Variants in SCMH1 observed in about 807,000 individuals in gnomAD.
SCMH1 encodes the protein polycomb protein SCMH1.
A neutral mutation model predicts 70.8 loss-of-function variants in SCMH1; 37 were observed. That is an observed-to-expected ratio of 0.52 (90% CI 0.40 to 0.69). The LOEUF (loss-of-function observed/expected upper bound fraction) is 0.69. SCMH1 is among the 30% of genes least tolerant of loss of function. SCMH1 has a pLI of 0.00. For synonymous variants in SCMH1, 292 were observed against 307.4 expected (o/e 0.95, Z 0.52); for missense variants, 607 against 827.3 (o/e 0.73, Z 3.27).
At chr1:41,036,315 C>T (rs1021293430) in intron 13 of SCMH1, among the ~76,000 whole-genome samples, 1 of 152,220 alleles carries the variant, frequency 6.6e-6, no homozygotes, top group East Asian at 1.9e-4. Flanking sequence ...CCTTCCTTCT[C>T]TTCTATGGTG....
intron 12 of SCMH1, among the ~76,000 whole-genome samples, chr1:41,044,534 G>A (rs1327035288): frequency 1.3e-5 from 2 of 152,152 alleles, no homozygotes; most frequent in Non-Finnish European, 2.9e-5. Flanking sequence ...GCTTGTCTGG[G>A]CATAGTTAAA....
In SCMH1 at chr1:41,060,902, G is replaced by A. The variant is rs1234246470; in HGVS notation, c.1105+9693C>T. Among the ~76,000 whole-genome samples, 3 of 152,046 alleles carry A rather than the reference G, an allele frequency of 2.0e-5. No individual in the cohort carries two copies. In the East Asian group the frequency reaches 5.8e-4, roughly 29 times the overall value. ...TTGCCAAGGTCTTGCTATGTTGTTG[G>A]CGACTCCTAAGCTCAAGTGATCAAT... is the stretch of plus-strand genomic sequence containing the variant. On this transcript the variant is annotated intron_variant, in intron 10 of 14. Transcript: ENST00000337495.
intron 6 of SCMH1, among the ~76,000 whole-genome samples, chr1:41,127,852 T>C (rs1673617665): frequency 6.6e-6 from 1 of 152,106 alleles, no homozygotes; most frequent in Non-Finnish European, 1.5e-5. Flanking sequence ...ATAAGATGGC[T>C]GTCTGCAAGC....
chr1:41,041,192 G>C (rs1345562623), intron 12 of SCMH1: 1 of 151,882 alleles, frequency 6.6e-6, no homozygotes, highest in Non-Finnish European at 1.5e-5. Context: ...CAAAGACATA[G>C]CATAGTCCTT....
At chr1:41,129,791 A>C (rs775019664) in intron 6 of SCMH1, among the ~76,000 whole-genome samples, 2 of 151,986 alleles carry the variant, frequency 1.3e-5, no homozygotes, top group African/African-American at 2.4e-5. Context: ...TTCTACTTTT[A>C]CTTTTTAAGA....
chr1:41,170,307 G>A (rs1191758435), intron 2 of SCMH1, among the ~76,000 whole-genome samples: 1 of 152,200 alleles, frequency 6.6e-6, no homozygotes, highest in Non-Finnish European at 1.5e-5. Context: ...GAAGTTGGAT[G>A]CTGGGGCTTC....
intron 1 of SCMH1, among the ~76,000 whole-genome samples, chr1:41,208,551 A>G (rs1464949275): frequency 6.6e-6 from 1 of 152,232 alleles, no homozygotes; most frequent in African/African-American, 2.4e-5. Flanking sequence ...GTGTAATCAA[A>G]TTAGAACTCA....
chr1:41,128,577 A>G (rs1180273675), intron 6 of SCMH1, among the ~76,000 whole-genome samples: 1 of 151,992 alleles, frequency 6.6e-6, no homozygotes, highest in African/African-American at 2.4e-5. Flanking sequence ...GGCTGCTCTT[A>G]AGACTTTTCT....
chr1:41,096,395 A>G (rs1665071142), intron 8 of SCMH1, among the ~76,000 whole-genome samples: 1 of 152,244 alleles, frequency 6.6e-6, no homozygotes, highest in Admixed American at 6.5e-5. Flanking sequence ...ATTTCTCTGC[A>G]TTGTAGTTTC....
At chr1:41,174,701 T>C (rs980060597) in intron 2 of SCMH1, among the ~76,000 whole-genome samples, 1 of 152,236 alleles carries the variant, frequency 6.6e-6, no homozygotes, top group Non-Finnish European at 1.5e-5. Flanking sequence ...CCTTATTTCA[T>C]TATGAATGTT....
At chr1:41,075,860 G>A (rs1658135142) in intron 8 of SCMH1, among the ~76,000 whole-genome samples, 4 of 152,186 alleles carry the variant, frequency 2.6e-5, no homozygotes, top group Non-Finnish European at 5.9e-5. Flanking sequence ...GTTACATAGT[G>A]AGTTGGGATA....
intron 4 of SCMH1, chr1:41,152,862 C>T (rs1645187740): frequency 1.1e-6 from 1 of 935,440 alleles, no homozygotes; most frequent in Non-Finnish European, 1.5e-6. Flanking sequence ...TCCCACTACC[C>T]TTAACTAAGC....
intron 3 of SCMH1, 65 bp from the exon 4 acceptor site, chr1:41,160,963 G>A: frequency 3.5e-6 from 5 of 1,422,370 alleles, no homozygotes; most frequent in Non-Finnish European, 4.8e-6. Context: ...GATGGAAGGT[G>A]AAATTCTGGG....
intron 10 of SCMH1, among the ~76,000 whole-genome samples, chr1:41,069,309 G>T (rs1252376774): frequency 6.6e-6 from 1 of 152,096 alleles, no homozygotes; most frequent in South Asian, 2.1e-4. Context: ...CTTCTAGAGT[G>T]GGTAGTCATT....
chr1:41,108,029 C>T (rs1289967996), intron 8 of SCMH1, among the ~76,000 whole-genome samples: 3 of 152,142 alleles, frequency 2.0e-5, no homozygotes, highest in Admixed American at 6.5e-5. Flanking sequence ...ACGTGAGCCA[C>T]GATGTTGAGT....
At chr1:41,206,443 T>C (rs1003910614) in intron 1 of SCMH1, among the ~76,000 whole-genome samples, 6 of 152,050 alleles carry the variant, frequency 3.9e-5, no homozygotes, top group Admixed American at 3.3e-4. Context: ...AGAAAGGATA[T>C]CAGTGATTGA....
intron 5 of SCMH1, 50 bp downstream of exon 5, chr1:41,151,564 T>C (rs1379979634): frequency 2.0e-6 from 3 of 1,475,638 alleles, no homozygotes; most frequent in African/African-American, 1.4e-5. Context: ...CTAAAAACCA[T>C]AAAAAAATGA....
chr1:41,050,069 A>G (rs1174982214), intron 10 of SCMH1, among the ~76,000 whole-genome samples: 1 of 151,568 alleles, frequency 6.6e-6, no homozygotes, highest in Non-Finnish European at 1.5e-5. Flanking sequence ...AAAAAAAGTG[A>G]AAAGAGCTTG....
intron 10 of SCMH1, 118 bp downstream of exon 10, chr1:41,070,477 A>T: frequency 7.6e-7 from 1 of 1,310,984 alleles, no homozygotes; most frequent in Non-Finnish European, 1.0e-6. Context: ...AAAATTTTTT[A>T]AAAATATTTT....
Sources: allele counts gnomAD v4.1 joint callset (sites outside exome capture counted in the v4.1 genomes callset), GRCh38; gene constraint gnomAD v4.1.1; transcripts MANE v1.5; gene names NCBI Gene and HGNC (gene_info 2026-07-23, HGNC 2026-07-21).